Variants in RBFOX1 observed in about 807,000 individuals in gnomAD.
RBFOX1 encodes the protein RNA binding fox-1 homolog 1, also known as RNA binding protein fox-1 homolog 1.
A neutral mutation model predicts 57.7 loss-of-function variants in RBFOX1; 8 were observed. The observed-to-expected ratio is 0.14, with a 90% CI of 0.08 to 0.25. The LOEUF is 0.25. Ranked by LOEUF, RBFOX1 falls within the 10% of genes least tolerant of loss-of-function variation. RBFOX1 has a pLI of 1.00. For missense variants in RBFOX1, 611 were observed against 548.5 expected (o/e 1.11, Z -1.14); for synonymous variants, 326 against 222.4 (o/e 1.47, Z -4.15).
At chr16:6,346,728 T>G (rs2085439109) in intron 2 of RBFOX1, among the ~76,000 whole-genome samples, 1 of 152,222 alleles carries the variant, frequency 6.6e-6, no homozygotes, top group Non-Finnish European at 1.5e-5. Flanking sequence ...AATGCCTTTT[T>G]GAGGTTATGA....
intron 3 of RBFOX1, among the ~76,000 whole-genome samples, chr16:6,655,697 A>C (rs1203695407): frequency 6.6e-6 from 1 of 152,180 alleles, no homozygotes; most frequent in South Asian, 2.1e-4. Context: ...TTGGATCCAA[A>C]GAGGTCAAAT....
intron 4 of RBFOX1, among the ~76,000 whole-genome samples, chr16:7,082,979 G>GA (rs2059429828): frequency 6.7e-6 from 1 of 148,778 alleles, no homozygotes; most frequent in Non-Finnish European, 1.5e-5. Flanking sequence ...TTGTAAATAT[G>GA]GAAAAAAATG....
At position 5,924,710 on chromosome 16, in the gene RBFOX1, A is replaced by G. The variant is rs57768923; in HGVS notation, c.351+57375A>G. 2.0e-3 allele frequency among the ~76,000 whole-genome samples: 302 copies of G among 152,312 alleles called. 3 individuals are homozygous for G. The highest frequency in any genetic ancestry group is 7.0e-3 in the African/African-American group (292 of 41,578). The stretch of plus-strand genomic sequence containing the variant: ...AATTACCCAGCCTATGTATTCTTTT[A>G]TAGCAACACAAGTGGTCTAAGACAC... On this transcript the variant is annotated intron_variant, in intron 4 of 19. Transcript: ENST00000641259.
chr16:6,282,814 C>A (rs766621682), intron 1 of RBFOX1, among the ~76,000 whole-genome samples: 4 of 152,204 alleles, frequency 2.6e-5, no homozygotes, highest in Non-Finnish European at 4.4e-5. Flanking sequence ...GGAGAGCAAG[C>A]TCTGCACATC....
At chr16:6,421,592 G>T (rs2093772666) in intron 2 of RBFOX1, among the ~76,000 whole-genome samples, 3 of 152,138 alleles carry the variant, frequency 2.0e-5, no homozygotes, top group African/African-American at 2.4e-5. Flanking sequence ...GCATAATGTG[G>T]AAATAATATT....
intron 4 of RBFOX1, among the ~76,000 whole-genome samples, chr16:7,297,616 C>A (rs1436253260): frequency 6.6e-6 from 1 of 151,930 alleles, no homozygotes; most frequent in African/African-American, 2.4e-5. Flanking sequence ...CATGTACTAG[C>A]CAGGGAAAGT....
chr16:6,027,531 C>T (rs994670396), intron 1 of RBFOX1, among the ~76,000 whole-genome samples: 1 of 152,156 alleles, frequency 6.6e-6, no homozygotes, highest in African/African-American at 2.4e-5. Context: ...GAACCTCAGT[C>T]CATCCCTACA....
intron 4 of RBFOX1, among the ~76,000 whole-genome samples, chr16:5,993,399 C>CAGAG (rs61066524): frequency 7.1e-5 from 5 of 70,266 alleles, no homozygotes; most frequent in African/African-American, 1.1e-4. Context: ...GAGAGAGAGA[C>CAGAG]AGAGAGAGAG....
chr16:7,166,500 G>A (rs1429209897), intron 4 of RBFOX1, among the ~76,000 whole-genome samples: 1 of 152,150 alleles, frequency 6.6e-6, no homozygotes, highest in Admixed American at 6.5e-5. Flanking sequence ...AAGATCAGAG[G>A]TTGGAGAAGA....
chr16:6,637,519 A>G (rs971126275), intron 2 of RBFOX1, among the ~76,000 whole-genome samples: 1 of 107,406 alleles, frequency 9.3e-6, no homozygotes, highest in Non-Finnish European at 1.8e-5. Flanking sequence ...TATAGTATAT[A>G]TAATATTCTG....
At chr16:6,142,198 A>AAAAAAG (rs2096722596) in intron 1 of RBFOX1, among the ~76,000 whole-genome samples, 1 of 148,396 alleles carries the variant, frequency 6.7e-6, no homozygotes, top group African/African-American at 2.5e-5. Flanking sequence ...GCAAAAAAAA[A>AAAAAAG]AAAAAAAAAA....
intron 1 of RBFOX1, among the ~76,000 whole-genome samples, chr16:5,371,768 C>T (rs1048522080): frequency 3.9e-5 from 6 of 151,920 alleles, no homozygotes; most frequent in African/African-American, 7.2e-5. Flanking sequence ...CTGGGCTGCA[C>T]CTTGGCCCTG....
chr16:7,268,441 A>C (rs1178298931), intron 4 of RBFOX1, among the ~76,000 whole-genome samples: 1 of 152,200 alleles, frequency 6.6e-6, no homozygotes, highest in East Asian at 1.9e-4. Flanking sequence ...AGAAGGAAGC[A>C]GGTCGTTCCT....
intron 2 of RBFOX1, among the ~76,000 whole-genome samples, chr16:5,478,225 G>A (rs907344938): frequency 6.6e-6 from 1 of 151,686 alleles, no homozygotes; most frequent in Non-Finnish European, 1.5e-5. Context: ...TTAGACTAGC[G>A]AAGGGAGTTT....
chr16:5,241,806 A>G (rs2062174325), intron 1 of RBFOX1, among the ~76,000 whole-genome samples: 1 of 152,144 alleles, frequency 6.6e-6, no homozygotes, highest in Admixed American at 6.5e-5. Flanking sequence ...GCATCACAAG[A>G]GACAAGGTTC....
At chr16:7,286,312 C>G (rs1199158661) in intron 4 of RBFOX1, among the ~76,000 whole-genome samples, 4 of 152,128 alleles carry the variant, frequency 2.6e-5, no homozygotes, top group Non-Finnish European at 4.4e-5. Flanking sequence ...CAGCATCATA[C>G]AAACATCATG....
chr16:5,849,547 A>G (rs1310459640), intron 3 of RBFOX1, among the ~76,000 whole-genome samples: 1 of 151,842 alleles, frequency 6.6e-6, no homozygotes, highest in African/African-American at 2.4e-5. Context: ...GGCCCCTCTG[A>G]TTTCCATCCC....
chr16:6,894,746 G>T (rs564358846), intron 3 of RBFOX1, among the ~76,000 whole-genome samples: 3 of 152,272 alleles, frequency 2.0e-5, no homozygotes, highest in Non-Finnish European at 2.9e-5. Flanking sequence ...GATTGTATCA[G>T]TTTAGTTCAT....
intron 3 of RBFOX1, among the ~76,000 whole-genome samples, chr16:5,740,444 C>T (rs2151589322): frequency 6.6e-6 from 1 of 152,336 alleles, no homozygotes; most frequent in Non-Finnish European, 1.5e-5. Context: ...CTATTCAAAG[C>T]ACATTGTGTG....
Sources: allele counts gnomAD v4.1 joint callset (sites outside exome capture counted in the v4.1 genomes callset), GRCh38; gene constraint gnomAD v4.1.1; transcripts MANE v1.5; gene names NCBI Gene and HGNC (gene_info 2026-07-23, HGNC 2026-07-21).